DCDC2C: variants seen among roughly 807,000 people sequenced by gnomAD.
DCDC2C encodes the protein doublecortin domain containing 2C.
A neutral mutation model predicts 45.0 loss-of-function variants in DCDC2C; 44 were observed. The observed-to-expected ratio is 0.98, with a 90% CI of 0.77 to 1.26. DCDC2C has a LOEUF of 1.26. Ranked by LOEUF, DCDC2C falls within the 50% of genes most tolerant of loss-of-function variation. DCDC2C has a pLI of 0.00. For synonymous variants in DCDC2C, 187 were observed against 178.8 expected (o/e 1.05, Z -0.37); for missense variants, 447 against 468.9 (o/e 0.95, Z 0.43).
chr2:3,740,684 T>C (rs1049919479), intron 3 of DCDC2C, among the ~76,000 whole-genome samples: 25 of 151,584 alleles, frequency 1.6e-4, no homozygotes, highest in Non-Finnish European at 2.8e-4. Context: ...GAACATTTCT[T>C]TTTATGACTT....
chr2:3,831,765 C>T (rs951160268), intron 10 of DCDC2C, among the ~76,000 whole-genome samples: 2 of 152,182 alleles, frequency 1.3e-5, no homozygotes, highest in Non-Finnish European at 2.9e-5. Flanking sequence ...GCCCTTCCTG[C>T]TTGACATCTG....
At chr2:3,763,109 T>C (rs1011820972) in intron 6 of DCDC2C, among the ~76,000 whole-genome samples, 14 of 152,158 alleles carry the variant, frequency 9.2e-5, no homozygotes, top group African/African-American at 7.2e-5. Flanking sequence ...TGGACCACCA[T>C]TGATGCCCAA....
At chr2:3,782,204 C>A (rs1481043166) in intron 9 of DCDC2C, among the ~76,000 whole-genome samples, 3 of 152,144 alleles carry the variant, frequency 2.0e-5, no homozygotes, top group African/African-American at 7.2e-5. Flanking sequence ...AGGAGCTGTT[C>A]AGATGCAAGT....
Position 3,726,997 on chromosome 2 carries a change from T to A in DCDC2C, c.340-6T>A, listed in dbSNP as rs754652554. ...GAATTCCCAGGTGTGTTTTTTCCTT[T>A]TTCAGATCAAACCAGTGGTGCATTG... is the stretch of plus-strand genomic sequence containing the variant. On this transcript the variant is annotated splice_polypyrimidine_tract_variant and splice_region_variant and intron_variant, in intron 2 of 10. Coordinates refer to ENST00000399143, the MANE Select transcript of DCDC2C (RefSeq NM_001287444.2). 6.5e-7 allele frequency: 1 copy of A among 1,550,318 alleles called. No homozygotes were observed.
Position 3,703,662 on chromosome 2 carries a change from G to T in DCDC2C, c.-90G>T, listed in dbSNP as rs1667935470. ...CGGCTGGAGCGGACCTCCCGTCGGC[G>T]GTGCCCGGGCCTGGGCGCGGCTCTG... On this transcript the variant is annotated 5_prime_UTR_variant, in exon 1 of 11. Coordinates refer to ENST00000399143, the MANE Select transcript of DCDC2C (RefSeq NM_001287444.2). This position sits in a 1 kb window ranked among gnomAD's most constrained non-coding sequence, Gnocchi z 4.4. 2 of 1,179,570 alleles carry T rather than the reference G, an allele frequency of 1.7e-6. No individual in the cohort carries two copies. Among genetic ancestry groups the T allele is most frequent in the Non-Finnish European group, 2.1e-6 (2 of 946,270 alleles). The allele number at this position is 1,179,570 out of a possible 1,614,324, so 73.1% of individuals were successfully genotyped here. A position where few individuals can be genotyped will look rare whatever the true frequency, so the allele number is the denominator to read the frequency against.
intron 10 of DCDC2C, among the ~76,000 whole-genome samples, chr2:3,819,228 G>A (rs190611553): frequency 4.5e-4 from 69 of 152,338 alleles, no homozygotes; most frequent in Middle Eastern, 3.4e-3. Flanking sequence ...GAGTTCCAGG[G>A]GTTCTGGGAG....
chr2:3,756,877 C>T (rs1669734700), intron 6 of DCDC2C, among the ~76,000 whole-genome samples: 1 of 152,082 alleles, frequency 6.6e-6, no homozygotes, highest in Admixed American at 6.5e-5. Context: ...TTTGTAGCTT[C>T]TTGAGTTGAA....
intron 10 of DCDC2C, among the ~76,000 whole-genome samples, chr2:3,841,877 A>G (rs1436877743): frequency 6.6e-6 from 1 of 151,852 alleles, no homozygotes; most frequent in East Asian, 1.9e-4. Context: ...TTTCTGTTTA[A>G]GCTTTTATGT....
intron 2 of DCDC2C, among the ~76,000 whole-genome samples, chr2:3,715,493 C>G (rs1207872094): frequency 6.6e-6 from 1 of 152,128 alleles, no homozygotes; most frequent in East Asian, 1.9e-4. Flanking sequence ...CTCTGATGCT[C>G]AGTTAATGGG....
intron 10 of DCDC2C, among the ~76,000 whole-genome samples, chr2:3,813,058 TATATATA>T (rs1249058754): frequency 0.028 from 2,616 of 93,276 alleles, 94 homozygotes; most frequent in Middle Eastern, 0.077. Flanking sequence ...TATATATATA[TATATATA>T]TATTTTTTTT....
intron 6 of DCDC2C, among the ~76,000 whole-genome samples, chr2:3,756,973 C>T (rs1669738630): frequency 6.6e-6 from 1 of 152,174 alleles, no homozygotes; most frequent in Admixed American, 6.5e-5. Flanking sequence ...ATGATGATCA[C>T]TGAGATTACA....
intron 10 of DCDC2C, among the ~76,000 whole-genome samples, chr2:3,842,744 C>T (rs1672246492): frequency 6.6e-6 from 1 of 151,950 alleles, no homozygotes. Context: ...TCCTGGGTGG[C>T]TCTCCTCCAC....
chr2:3,829,169 C>T (rs924253910), intron 10 of DCDC2C, among the ~76,000 whole-genome samples: 3 of 152,172 alleles, frequency 2.0e-5, no homozygotes, highest in Admixed American at 2.0e-4. Flanking sequence ...GTGTGCAACG[C>T]AACCGCTTCA....
intron 4 of DCDC2C, 65 bp downstream of exon 4, chr2:3,742,113 A>C: frequency 6.9e-7 from 1 of 1,451,968 alleles, no homozygotes; most frequent in Non-Finnish European, 9.1e-7. Flanking sequence ...TTTCTATGAG[A>C]GTTTTCTGCC....
chr2:3,794,218 T>A (rs1453687156), intron 10 of DCDC2C, among the ~76,000 whole-genome samples: 2 of 152,246 alleles, frequency 1.3e-5, no homozygotes, highest in Non-Finnish European at 2.9e-5. Flanking sequence ...TATGCAAATG[T>A]ATGACACATT....
intron 10 of DCDC2C, among the ~76,000 whole-genome samples, chr2:3,816,432 CAG>C (rs1398696816): frequency 6.6e-6 from 1 of 152,132 alleles, no homozygotes; most frequent in Non-Finnish European, 1.5e-5. Flanking sequence ...TAAAAATATA[CAG>C]AGTCAGTCCC....
At chr2:3,728,494 C>G (rs1668763630) in intron 3 of DCDC2C, among the ~76,000 whole-genome samples, 1 of 152,296 alleles carries the variant, frequency 6.6e-6, no homozygotes, top group East Asian at 1.9e-4. Context: ...CTTAAAGCCA[C>G]ATTTTATGTG....
At chr2:3,764,492 G>A (rs1669965456) in intron 6 of DCDC2C, among the ~76,000 whole-genome samples, 1 of 152,218 alleles carries the variant, frequency 6.6e-6, no homozygotes, top group South Asian at 2.1e-4. Flanking sequence ...AGTTTGGGAG[G>A]AAAGAGCATA....
At chr2:3,720,848 C>T (rs934516039) in intron 2 of DCDC2C, among the ~76,000 whole-genome samples, 2 of 152,034 alleles carry the variant, frequency 1.3e-5, no homozygotes, top group African/African-American at 4.8e-5. Flanking sequence ...TTGTTTCTTC[C>T]TTAAATGTTT....
Sources: gnomAD v4.1 joint callset for allele counts (sites outside exome capture counted in the v4.1 genomes callset) on GRCh38, gnomAD v4.1.1 for gene constraint, Gnocchi (gnomAD v3.1) non-coding constraint, MANE v1.5 for transcripts, NCBI Gene and HGNC (gene_info 2026-07-23, HGNC 2026-07-21) for gene names.